PCDHA9: variants seen among roughly 807,000 people sequenced by gnomAD.
PCDHA9 encodes protocadherin alpha 9.
PCDHA9 carries 62 observed loss-of-function variants against 62.0 expected under a neutral mutation model. That is an observed-to-expected ratio of 1.00 (90% CI 0.81 to 1.23). PCDHA9 has a LOEUF of 1.23. PCDHA9 is among the 50% of genes most tolerant of loss of function. The pLI is 0.00. For missense variants in PCDHA9, 1,205 were observed against 1,249.8 expected, an observed-to-expected ratio of 0.96 and a Z score of 0.54; for synonymous variants, 557 against 567.6, an observed-to-expected ratio of 0.98 and a Z score of 0.27.
chr5:140,926,929 G>T, intron 1 of PCDHA9: 2 of 1,575,722 alleles, frequency 1.3e-6, no homozygotes, highest in South Asian at 2.3e-5. Flanking sequence ...ATGTTTGTGG[G>T]TTTCCTGCGG....
intron 3 of PCDHA9, chr5:140,988,920 AACAAC>A (rs1245893791): frequency 6.6e-6 from 1 of 152,174 alleles, no homozygotes; most frequent in Non-Finnish European, 1.5e-5. Context: ...AGGAGAATAG[AACAAC>A]ACTGTTCTCT....
chr5:140,928,043 C>G (rs1554205400), intron 1 of PCDHA9: 2 of 1,614,192 alleles, frequency 1.2e-6, no homozygotes, highest in Non-Finnish European at 1.7e-6. Context: ...AGTGCAGGCC[C>G]TTTTCAGCTG....
chr5:140,885,642 A>G (rs2060672494), intron 1 of PCDHA9, among the ~76,000 whole-genome samples: 1 of 152,170 alleles, frequency 6.6e-6, no homozygotes, highest in Non-Finnish European at 1.5e-5. Flanking sequence ...CCTTCCAAGT[A>G]TTTTGGAACC....
intron 1 of PCDHA9, among the ~76,000 whole-genome samples, chr5:140,944,227 G>A (rs1472509213): frequency 6.6e-6 from 1 of 152,046 alleles, no homozygotes; most frequent in Non-Finnish European, 1.5e-5. Flanking sequence ...TTACTCTGTC[G>A]CTCAGGCTGG....
At chr5:140,966,125 C>T (rs1443798693) in intron 1 of PCDHA9, 1 of 159,140 alleles carries the variant, frequency 6.3e-6, no homozygotes, top group African/African-American at 2.4e-5. Context: ...TTAGCTAAGG[C>T]CCCTCAGTTT....
chr5:141,009,303 T>A (rs1040786824), intron 3 of PCDHA9, among the ~76,000 whole-genome samples: 16 of 152,050 alleles, frequency 1.1e-4, no homozygotes, highest in East Asian at 1.9e-4. Flanking sequence ...AAATTTTTTT[T>A]AAAAAGCTAG....
chr5:140,922,577 T>A (rs155818), intron 1 of PCDHA9, among the ~76,000 whole-genome samples: 2 of 152,016 alleles, frequency 1.3e-5, no homozygotes, highest in East Asian at 1.9e-4. Flanking sequence ...AGTTGCCCTG[T>A]AGCCGCCAGT....
intron 3 of PCDHA9, among the ~76,000 whole-genome samples, chr5:140,988,678 T>G (rs190740461): frequency 6.6e-6 from 1 of 152,314 alleles, no homozygotes. Context: ...CTAAGATAAT[T>G]CTTTCCCTAG....
intron 1 of PCDHA9, among the ~76,000 whole-genome samples, chr5:140,924,015 A>G (rs2081623207): frequency 6.6e-6 from 1 of 152,164 alleles, no homozygotes; most frequent in Admixed American, 6.5e-5. Flanking sequence ...AACCTGGTAT[A>G]ATTGGAGGCA....
intron 1 of PCDHA9, chr5:140,871,504 C>CT: frequency 6.3e-7 from 1 of 1,581,824 alleles, no homozygotes; most frequent in South Asian, 1.1e-5. Flanking sequence ...GGTGAGTTTT[C>CT]TACAGATTCC....
At chr5:140,934,279 A>G (rs2089746811) in intron 1 of PCDHA9, among the ~76,000 whole-genome samples, 1 of 152,104 alleles carries the variant, frequency 6.6e-6, no homozygotes, top group South Asian at 2.1e-4. Flanking sequence ...TGCTTCATCA[A>G]GGGCATTCTT....
intron 3 of PCDHA9, among the ~76,000 whole-genome samples, chr5:141,000,396 T>TCTATAA (rs2097916207): frequency 7.7e-5 from 5 of 65,332 alleles, no homozygotes; most frequent in African/African-American, 3.1e-4. Context: ...TCTCTCTCTC[T>TCTATAA]ATATATATAT....
At chr5:140,882,367 C>G in intron 1 of PCDHA9, 22 of 1,614,228 alleles carry the variant, frequency 1.4e-5, no homozygotes, top group Non-Finnish European at 1.7e-5. Flanking sequence ...AGCTCCACTA[C>G]TCCGTCCCCG....
chr5:140,985,895 A>G (rs782549334), intron 3 of PCDHA9, among the ~76,000 whole-genome samples: 16 of 150,016 alleles, frequency 1.1e-4, no homozygotes, highest in Non-Finnish European at 1.5e-4. Flanking sequence ...GCCCGCCACC[A>G]CTCCCGTCTA....
chr5:140,963,856 C>T lies in PCDHA9; in HGVS notation c.2395-15093C>T, dbSNP rs76429225. 1.1e-4 allele frequency among the ~76,000 whole-genome samples: 16 copies of T among 152,242 alleles called. No individual in the cohort carries two copies. The East Asian group carries it at 2.5e-3, about 24-fold the overall frequency. On this transcript the variant is annotated intron_variant, in intron 1 of 3. Coordinates refer to ENST00000532602, the MANE Select transcript of PCDHA9 (RefSeq NM_031857.2). ...TTTCTCATGTAATCATAATAATAAC[C>T]GTATGAGTTTTGCTTACTATTGTTT... is the stretch of plus-strand genomic sequence containing the variant.
chr5:140,929,064 T>A (rs550251743), intron 1 of PCDHA9: 1 of 1,614,162 alleles, frequency 6.2e-7, no homozygotes, highest in South Asian at 1.1e-5. Context: ...CTACAGAGGA[T>A]CTGAGGTATG....
chr5:140,874,334 C>A (rs2153310267), intron 1 of PCDHA9, among the ~76,000 whole-genome samples: 1 of 152,166 alleles, frequency 6.6e-6, no homozygotes, highest in South Asian at 2.1e-4. Context: ...CTGTTTTTTT[C>A]TCTTAAAGCT....
chr5:140,938,385 A>G (rs952402645), intron 1 of PCDHA9, among the ~76,000 whole-genome samples: 8 of 152,202 alleles, frequency 5.3e-5, no homozygotes, highest in Admixed American at 2.6e-4. Flanking sequence ...TAAATATTTA[A>G]TATGAAATAC....
intron 2 of PCDHA9, among the ~76,000 whole-genome samples, chr5:140,982,179 T>C (rs950269342): frequency 6.6e-6 from 1 of 152,396 alleles, no homozygotes. Flanking sequence ...CTTAGTCCTC[T>C]GATGGGCTTC....
Sources: allele counts gnomAD v4.1 joint callset (sites outside exome capture counted in the v4.1 genomes callset), GRCh38; gene constraint gnomAD v4.1.1; transcripts MANE v1.5; gene names NCBI Gene and HGNC (gene_info 2026-07-23, HGNC 2026-07-21).